Variants in PMFBP1 observed in about 807,000 individuals in gnomAD.
PMFBP1 encodes the protein polyamine modulated factor 1 binding protein 1, also known as polyamine-modulated factor 1-binding protein 1.
Under a neutral mutation model 137.8 loss-of-function variants are expected in PMFBP1, and 131 were observed. That is an observed-to-expected ratio of 0.95 (90% CI 0.82 to 1.10). PMFBP1 has a LOEUF of 1.10. PMFBP1 is among the 50% of genes least tolerant of loss of function. The pLI is 0.00. For synonymous variants in PMFBP1, 490 were observed against 450.4 expected, an observed-to-expected ratio of 1.09 and a Z score of -1.11; for missense variants, 1,199 against 1,175.4, an observed-to-expected ratio of 1.02 and a Z score of -0.29.
the PMFBP1 span, among the ~76,000 whole-genome samples, chr16:72,232,478 T>G: frequency 6.6e-6 from 1 of 152,104 alleles, no homozygotes; most frequent in Non-Finnish European, 1.5e-5. Context: ...GCAGGGATAG[T>G]CAAAAGAAAG....
intron 3 of PMFBP1, among the ~76,000 whole-genome samples, chr16:72,161,229 C>T (rs2043057623): frequency 6.6e-6 from 1 of 151,530 alleles, no homozygotes; most frequent in South Asian, 2.1e-4. Context: ...TCCCGAGTAG[C>T]TGGGATTATA....
upstream of PMFBP1, among the ~76,000 whole-genome samples, chr16:72,177,126 T>C (rs1197467225): frequency 2.0e-5 from 3 of 152,208 alleles, no homozygotes; most frequent in Admixed American, 1.3e-4. Flanking sequence ...GTCCACCTAA[T>C]CTTTGTTGCC....
chr16:72,201,866 G>A, the PMFBP1 span, among the ~76,000 whole-genome samples: 2 of 151,970 alleles, frequency 1.3e-5, no homozygotes, highest in African/African-American at 2.4e-5. Flanking sequence ...CAAATTCCAC[G>A]AGGCCTTCAC....
the PMFBP1 span, among the ~76,000 whole-genome samples, chr16:72,246,579 C>T: frequency 1.3e-5 from 2 of 151,990 alleles, no homozygotes; most frequent in Non-Finnish European, 2.9e-5. Flanking sequence ...ACTCCTCTTT[C>T]TCCAGCTGTA....
chr16:72,233,366 G>C, the PMFBP1 span, among the ~76,000 whole-genome samples: 1 of 152,108 alleles, frequency 6.6e-6, no homozygotes, highest in Non-Finnish European at 1.5e-5. Context: ...AATTCTACTT[G>C]GCTTAAATCT....
At chr16:72,226,833 AC>A in the PMFBP1 span, among the ~76,000 whole-genome samples, 1 of 152,156 alleles carries the variant, frequency 6.6e-6, no homozygotes, top group African/African-American at 2.4e-5. Context: ...CAGTTCCTTA[AC>A]CCCTTGATCT....
chr16:72,135,561 G>A (rs551183943), intron 9 of PMFBP1, among the ~76,000 whole-genome samples: 44 of 151,634 alleles, frequency 2.9e-4, no homozygotes, highest in African/African-American at 5.8e-4. Context: ...GTTCAGAGTC[G>A]GAATAGTACT....
At chr16:72,190,019 A>T in the PMFBP1 span, among the ~76,000 whole-genome samples, 2 of 152,166 alleles carry the variant, frequency 1.3e-5, no homozygotes, top group Admixed American at 1.3e-4. Flanking sequence ...AAAATTCTGA[A>T]AAAAAATCTC....
At chr16:72,223,678 T>C in the PMFBP1 span, among the ~76,000 whole-genome samples, 1 of 152,084 alleles carries the variant, frequency 6.6e-6, no homozygotes, top group East Asian at 1.9e-4. Flanking sequence ...AGCTGCTGAG[T>C]AGAGTACCCT....
At chr16:72,150,475 T>C in intron 5 of PMFBP1, 133 bp downstream of exon 5, 1 of 833,386 alleles carries the variant, frequency 1.2e-6, no homozygotes, top group South Asian at 1.6e-5. Flanking sequence ...AGCTGAGGGC[T>C]ACAAAATCAA....
intron 15 of PMFBP1, 97 bp downstream of exon 15, chr16:72,125,869 GAC>G: frequency 7.0e-7 from 1 of 1,428,084 alleles, no homozygotes; most frequent in Non-Finnish European, 9.6e-7. Context: ...TGGCCCCATT[GAC>G]AGTCAATAGG....
chr16:72,143,170 T>C (rs949199441), intron 5 of PMFBP1, among the ~76,000 whole-genome samples: 14 of 152,172 alleles, frequency 9.2e-5, no homozygotes, highest in Non-Finnish European at 2.1e-4. Context: ...ACAGTCATAC[T>C]TACAATTTGA....
the PMFBP1 span, among the ~76,000 whole-genome samples, chr16:72,198,183 G>A: frequency 2.6e-5 from 4 of 152,098 alleles, no homozygotes; most frequent in Non-Finnish European, 5.9e-5. Context: ...TTGCCATGGC[G>A]ACGTGTTCCA....
chr16:72,132,999 C>G lies in PMFBP1; in HGVS notation c.1204-8G>C, dbSNP rs1357400857. 2.5e-6 allele frequency: 4 copies of G among 1,613,702 alleles called. No homozygotes were observed. The highest frequency in any genetic ancestry group is 1.3e-5 in the African/African-American group (1 of 74,962). Reference sequence around the variant, plus strand: ...ATCTTTCTCTTGGAGGAACTGAAGACAGCAAAATGCAAATGCTGGGAAAGG... The same window carrying G: ...ATCTTTCTCTTGGAGGAACTGAAGAGAGCAAAATGCAAATGCTGGGAAAGG... On this transcript the variant is annotated splice_polypyrimidine_tract_variant and splice_region_variant and intron_variant, in intron 9 of 20. Coordinates refer to ENST00000237353, the MANE Select transcript of PMFBP1 (RefSeq NM_031293.3).
chr16:72,150,511 G>A lies in PMFBP1; in HGVS notation c.636+97C>T, dbSNP rs771853784. On this transcript the variant is annotated intron_variant, in intron 5 of 20. Coordinates refer to ENST00000237353, the MANE Select transcript of PMFBP1 (RefSeq NM_031293.3). ...GGGCAGGAAGTGACATCTGGGTAAA[G>A]GTTTGGGTTTCCAGTGGAGGAGGCT... 86 of 1,199,542 alleles carry A rather than the reference G, an allele frequency of 7.2e-5. 1 individual carries two copies. Among genetic ancestry groups the A allele is most frequent in the Non-Finnish European group, 1.0e-4 (82 of 816,634 alleles). 74.3% of individuals were successfully genotyped at this position (1,199,542 alleles called of 1,614,324 possible). A position where few individuals can be genotyped will look rare whatever the true frequency, so the allele number is the denominator to read the frequency against.
chr16:72,177,409 C>A (rs1404852826), upstream of PMFBP1, among the ~76,000 whole-genome samples: 3 of 152,150 alleles, frequency 2.0e-5, no homozygotes, highest in Admixed American at 1.3e-4. Flanking sequence ...TTTTCCCATA[C>A]CTCTTTTAAC....
upstream of PMFBP1, among the ~76,000 whole-genome samples, chr16:72,176,040 G>C (rs76025295): frequency 0.033 from 5,084 of 152,246 alleles, 259 homozygotes; most frequent in African/African-American, 0.12. Context: ...AGCATAACTG[G>C]TAGGGGGAGA....
In PMFBP1 at chr16:72,136,569, CG is replaced by C. The variant is rs749103428; in HGVS notation, c.1081del (p.Arg361GlyfsTer37). On this transcript the variant is annotated frameshift_variant, in exon 9 of 21. Transcript: ENST00000237353. LOFTEE classifies it high-confidence loss of function. Reference protein sequence around the residue: ...MKLELDLHGLREETSAHIERK... With the variant: ...MKLELDLHGLXEETSAHIERK... ...CTCAATGTGGGCAGATGTCTCCTCC[CG>C]CAGTCCGTGCAGGTCCAGCTCCAGC... The C allele has an allele frequency of 6.2e-7, 1 of 1,614,028 alleles. No individual in the cohort carries two copies. The highest frequency in any genetic ancestry group is 1.1e-5 in the South Asian group (1 of 91,064).
chr16:72,247,843 G>A, the PMFBP1 span, among the ~76,000 whole-genome samples: 4 of 152,116 alleles, frequency 2.6e-5, no homozygotes, highest in South Asian at 8.3e-4. Flanking sequence ...AATTTAAAGG[G>A]CAATGGCTAT....
Sources: allele counts gnomAD v4.1 joint callset (sites outside exome capture counted in the v4.1 genomes callset), GRCh38; gene constraint gnomAD v4.1.1; transcripts MANE v1.5; gene names NCBI Gene and HGNC (gene_info 2026-07-23, HGNC 2026-07-21).